EPHA5: variants seen among roughly 807,000 people sequenced by gnomAD.
EPHA5 encodes the protein ephrin type-A receptor 5.
In EPHA5, 60 loss-of-function variants were observed where a neutral mutation model predicts 105.0. The ratio of observed to expected loss-of-function variants is 0.57; its 90% CI spans 0.46 to 0.71. The LOEUF (loss-of-function observed/expected upper bound fraction) is 0.71, where lower values mean the gene tolerates loss of function less well. EPHA5 is among the 30% of genes least tolerant of loss of function. The pLI, the probability that EPHA5 is intolerant of heterozygous loss-of-function variation, is 0.00. For missense variants in EPHA5, 1,218 were observed against 1,274.7 expected (o/e 0.96, Z 0.68); for synonymous variants, 513 against 449.1 (o/e 1.14, Z -1.80).
chr4:65,548,158 TTAAA>T (rs1737564218), intron 3 of EPHA5, among the ~76,000 whole-genome samples: 1 of 120,202 alleles, frequency 8.3e-6, no homozygotes, highest in Non-Finnish European at 1.8e-5. Flanking sequence ...AAAATGGATA[TTAAA>T]TAACCATACA....
intron 2 of EPHA5, among the ~76,000 whole-genome samples, chr4:65,602,681 T>C (rs1743855462): frequency 1.3e-5 from 2 of 151,958 alleles, no homozygotes; most frequent in South Asian, 4.2e-4. Flanking sequence ...TTGAATAAAG[T>C]TCAGCATATA....
At chr4:65,656,169 T>G (rs1749044383) in intron 1 of EPHA5, among the ~76,000 whole-genome samples, 1 of 145,480 alleles carries the variant, frequency 6.9e-6, no homozygotes, top group African/African-American at 2.5e-5. Flanking sequence ...CTAAAACCAC[T>G]GCTAGCTTTA....
At chr4:65,387,141 C>T (rs950487907) in intron 8 of EPHA5, among the ~76,000 whole-genome samples, 2 of 151,506 alleles carry the variant, frequency 1.3e-5, no homozygotes, top group Non-Finnish European at 2.9e-5. Flanking sequence ...GCAGTGGGGG[C>T]GGGGGTTGGG....
At chr4:65,418,373 T>C (rs11947238) in intron 6 of EPHA5, among the ~76,000 whole-genome samples, 4,910 of 152,246 alleles carry the variant, frequency 0.032, 274 homozygotes, top group African/African-American at 0.11. Context: ...TGTTTGTTAC[T>C]AGTAATCTCA....
intron 2 of EPHA5, among the ~76,000 whole-genome samples, chr4:65,618,426 A>G (rs1745430753): frequency 6.6e-6 from 1 of 152,196 alleles, no homozygotes; most frequent in Non-Finnish European, 1.5e-5. Flanking sequence ...AAAATTTTAC[A>G]AGTCTCTATA....
intron 7 of EPHA5, among the ~76,000 whole-genome samples, chr4:65,408,826 C>T (rs569694124): frequency 1.6e-4 from 24 of 151,804 alleles, no homozygotes; most frequent in Admixed American, 2.6e-4. Flanking sequence ...TTGACCCAGC[C>T]ATCCCATTAC....
intron 7 of EPHA5, among the ~76,000 whole-genome samples, chr4:65,405,399 C>T (rs1722265251): frequency 6.6e-6 from 1 of 152,074 alleles, no homozygotes; most frequent in Non-Finnish European, 1.5e-5. Context: ...AGCACTAGTT[C>T]AGCTTCATGG....
intron 3 of EPHA5, among the ~76,000 whole-genome samples, chr4:65,508,282 A>C (rs1365497666): frequency 6.6e-6 from 1 of 152,160 alleles, no homozygotes; most frequent in Non-Finnish European, 1.5e-5. Flanking sequence ...TGATTAATTC[A>C]TGTCTATACG....
At chr4:65,464,914 G>A (rs1429345570) in intron 5 of EPHA5, among the ~76,000 whole-genome samples, 2 of 151,832 alleles carry the variant, frequency 1.3e-5, no homozygotes, top group Non-Finnish European at 2.9e-5. Context: ...TGTTAAAACA[G>A]TACTAATCAC....
chr4:65,329,273 AAC>A (rs1720373181), intron 16 of EPHA5, among the ~76,000 whole-genome samples: 1 of 151,358 alleles, frequency 6.6e-6, no homozygotes, highest in African/African-American at 2.4e-5. Context: ...GTAGCAGACA[AAC>A]ACATCTAAGA....
chr4:65,527,584 T>A (rs1316804456), intron 3 of EPHA5, among the ~76,000 whole-genome samples: 3 of 152,134 alleles, frequency 2.0e-5, no homozygotes, highest in African/African-American at 4.8e-5. Context: ...AGATCTATAT[T>A]TTCAACCACT....
intron 1 of EPHA5, among the ~76,000 whole-genome samples, chr4:65,658,419 T>C (rs963725714): frequency 1.3e-5 from 2 of 152,088 alleles, no homozygotes; most frequent in Non-Finnish European, 1.5e-5. Flanking sequence ...AAGGGCTGCT[T>C]GAGCTATTGA....
chr4:65,662,250 A>C (rs2149552000), intron 1 of EPHA5, among the ~76,000 whole-genome samples: 1 of 152,268 alleles, frequency 6.6e-6, no homozygotes, highest in South Asian at 2.1e-4. Context: ...AAATCTTCCA[A>C]TACTTAGCCT....
At chr4:65,352,048 A>G (rs372983344) in intron 12 of EPHA5, among the ~76,000 whole-genome samples, 13 of 152,020 alleles carry the variant, frequency 8.6e-5, no homozygotes, top group Non-Finnish European at 2.9e-5. Flanking sequence ...GTGACTGAGC[A>G]GTGATCAGGT....
rs1308153326 is a variant in EPHA5, at chr4:65,391,428, T to C, written c.1793+12946A>G. Among the ~76,000 whole-genome samples, 3 of 152,240 alleles carry C rather than the reference T, an allele frequency of 2.0e-5. No individual in the cohort carries two copies. In the East Asian group the frequency reaches 5.8e-4, roughly 29 times the overall value. On this transcript the variant is annotated intron_variant, in intron 8 of 16. Coordinates refer to ENST00000613740, the MANE Select transcript of EPHA5 (RefSeq NM_001281766.3). ...CATGTAAGACCTTATAAAGCACAGA[T>C]CTTGAACAAATGTGGCTTTTAGCTG...
At chr4:65,527,344 A>C (rs1274970958) in intron 3 of EPHA5, among the ~76,000 whole-genome samples, 1 of 152,114 alleles carries the variant, frequency 6.6e-6, no homozygotes, top group Non-Finnish European at 1.5e-5. Context: ...AAAAGTTGTC[A>C]AGTTATACGT....
At chr4:65,546,508 T>C (rs1737385990) in intron 3 of EPHA5, among the ~76,000 whole-genome samples, 1 of 152,066 alleles carries the variant, frequency 6.6e-6, no homozygotes, top group South Asian at 2.1e-4. Flanking sequence ...TTCTAATGGT[T>C]CTTGTTTTTT....
intron 3 of EPHA5, among the ~76,000 whole-genome samples, chr4:65,527,134 G>C (rs964640357): frequency 2.0e-5 from 3 of 151,976 alleles, no homozygotes; most frequent in African/African-American, 7.2e-5. Context: ...GGCAGTATCT[G>C]CCTAAATTTT....
chr4:65,493,094 T>C (rs2149219621), intron 4 of EPHA5, among the ~76,000 whole-genome samples: 1 of 152,132 alleles, frequency 6.6e-6, no homozygotes, highest in South Asian at 2.1e-4. Flanking sequence ...CTTCTGACTC[T>C]TCTACTAACA....
Sources: gnomAD v4.1 joint callset for allele counts (sites outside exome capture counted in the v4.1 genomes callset) on GRCh38, gnomAD v4.1.1 for gene constraint, MANE v1.5 for transcripts, NCBI Gene and HGNC (gene_info 2026-07-23, HGNC 2026-07-21) for gene names.